The following SPAG17 variants were observed in gnomAD, a reference collection of about 807,000 sequenced individuals.
SPAG17 encodes sperm-associated antigen 17.
In SPAG17, 169 loss-of-function variants were observed where a neutral mutation model predicts 273.6. That is an observed-to-expected ratio of 0.62 (90% CI 0.55 to 0.70). The LOEUF is 0.70. Among genes scored for constraint, SPAG17 ranks in the 30% least tolerant of loss-of-function variants. SPAG17 has a pLI of 0.00. For missense variants in SPAG17, 2,557 were observed against 2,627.8 expected (o/e 0.97, Z 0.59); for synonymous variants, 825 against 873.2 (o/e 0.94, Z 0.97).
intron 18 of SPAG17, among the ~76,000 whole-genome samples, chr1:118,064,629 T>A (rs904651883): frequency 4.1e-5 from 6 of 148,110 alleles, no homozygotes; most frequent in African/African-American, 1.5e-4. Context: ...GAGATATACC[T>A]AATGCTAAAT....
intron 1 of SPAG17, among the ~76,000 whole-genome samples, chr1:118,172,582 G>T (rs1660466616): frequency 6.6e-6 from 1 of 152,118 alleles, no homozygotes; most frequent in South Asian, 2.1e-4. Context: ...AGTATTTAAT[G>T]ATTAAAATTG....
chr1:118,083,482 G>A (rs925315722), intron 13 of SPAG17, among the ~76,000 whole-genome samples: 1 of 152,180 alleles, frequency 6.6e-6, no homozygotes, highest in South Asian at 2.1e-4. Context: ...ATTGATTGCA[G>A]TGTGTGAGAA....
intron 22 of SPAG17, among the ~76,000 whole-genome samples, chr1:118,039,904 G>A (rs1649538543): frequency 6.6e-6 from 1 of 152,134 alleles, no homozygotes; most frequent in South Asian, 2.1e-4. Context: ...TGAATGGCAG[G>A]TAGACCAAGG....
chr1:118,052,201 T>G (rs12024840), intron 20 of SPAG17, among the ~76,000 whole-genome samples: 9,453 of 148,712 alleles, frequency 0.064, 507 homozygotes, highest in East Asian at 0.31. Flanking sequence ...ACACACACAA[T>G]GGAATACTAT....
At chr1:118,183,425 C>CA (rs1661038984) in intron 1 of SPAG17, among the ~76,000 whole-genome samples, 1 of 152,026 alleles carries the variant, frequency 6.6e-6, no homozygotes, top group Non-Finnish European at 1.5e-5. Flanking sequence ...TGAAATCAAG[C>CA]AGAGAAAAAT....
At chr1:118,152,336 G>C (rs915630171) in intron 1 of SPAG17, among the ~76,000 whole-genome samples, 1 of 152,060 alleles carries the variant, frequency 6.6e-6, no homozygotes, top group Non-Finnish European at 1.5e-5. Context: ...ATGGTCTCCT[G>C]GTGAATACCA....
At chr1:118,083,673 T>A (rs1395164877) in intron 13 of SPAG17, among the ~76,000 whole-genome samples, 2 of 152,084 alleles carry the variant, frequency 1.3e-5, no homozygotes, top group East Asian at 3.9e-4. Context: ...TAATCCCAGC[T>A]ACTTAGGAAG....
Position 118,023,424 on chromosome 1 carries a change from A to ACTC in SPAG17, c.3948_3949insGAG (p.Asn1316_Ser1317insGlu), listed in dbSNP as rs1363768428. The ACTC allele has an allele frequency of 6.2e-7, 1 of 1,611,190 alleles. No homozygotes were observed. The highest frequency in any genetic ancestry group is 1.3e-5 in the African/African-American group (1 of 74,820). On this transcript the variant is annotated inframe_insertion, in exon 28 of 49. Transcript: ENST00000336338. ...TCAGAAGGAGGACAAATAAGACCTG[A>ACTC]ATTGGGACTCCTGCTCACAGCACCA...
Position 118,078,671 on chromosome 1 carries a change from T to A in SPAG17, c.2209+2430A>T, listed in dbSNP as rs540462257. On this transcript the variant is annotated intron_variant, in intron 15 of 48. Transcript: ENST00000336338. ...ATTCTCCTGATCTCAAAGGGAATTA[T>A]TTCAACTTTTCACCTTGATATATAA... is the stretch of plus-strand genomic sequence containing the variant. 8.5e-5 allele frequency among the ~76,000 whole-genome samples: 13 copies of A among 152,222 alleles called. 1 individual carries two copies. The East Asian group carries it at 2.5e-3, about 29-fold the overall frequency.
At chr1:118,055,155 CACA>C (rs768133992) in intron 19 of SPAG17, among the ~76,000 whole-genome samples, 15 of 152,112 alleles carry the variant, frequency 9.9e-5, no homozygotes, top group Non-Finnish European at 2.1e-4. Flanking sequence ...GCCACAATAA[CACA>C]ACATCACCAC....
intron 3 of SPAG17, among the ~76,000 whole-genome samples, chr1:118,140,387 G>A (rs998508756): frequency 5.9e-5 from 9 of 152,012 alleles, no homozygotes; most frequent in Admixed American, 1.3e-4. Flanking sequence ...TTGAGGTAAT[G>A]GATATGTTAA....
At chr1:117,954,208 T>C (rs975637503) in intron 48 of SPAG17, 159 bp from the exon 49 acceptor site, 12 of 911,126 alleles carry the variant, frequency 1.3e-5, no homozygotes, top group Non-Finnish European at 2.0e-5. Context: ...ATAAATGGAA[T>C]AGAATCTTTC....
intron 42 of SPAG17, among the ~76,000 whole-genome samples, chr1:117,983,252 C>G (rs537379679): frequency 2.6e-5 from 4 of 152,166 alleles, no homozygotes; most frequent in Non-Finnish European, 4.4e-5. Flanking sequence ...GAGAACAGCA[C>G]GGGAAAGACC....
chr1:118,039,717 A>G (rs1159071215), intron 22 of SPAG17, among the ~76,000 whole-genome samples: 1 of 152,160 alleles, frequency 6.6e-6, no homozygotes, highest in Non-Finnish European at 1.5e-5. Context: ...ATAAAATAAT[A>G]TGCATACCAA....
intron 18 of SPAG17, among the ~76,000 whole-genome samples, chr1:118,064,739 T>C (rs1652776136): frequency 6.7e-6 from 1 of 149,494 alleles, no homozygotes; most frequent in South Asian, 2.1e-4. Flanking sequence ...AGTATAATAA[T>C]AATAAAATTA....
At chr1:118,012,464 T>C in intron 29 of SPAG17, 92 bp from the exon 30 acceptor site, 1 of 1,398,262 alleles carries the variant, frequency 7.2e-7, no homozygotes, top group Non-Finnish European at 9.7e-7. Context: ...GATGGCACCA[T>C]CAAAGTCCTA....
intron 30 of SPAG17, among the ~76,000 whole-genome samples, chr1:118,011,513 C>A (rs1489894086): frequency 1.3e-5 from 2 of 151,890 alleles, no homozygotes; most frequent in African/African-American, 4.8e-5. Flanking sequence ...TAAGTGGGAG[C>A]CAAATGATGA....
At chr1:118,081,771 C>T in intron 13 of SPAG17, 129 bp from the exon 14 acceptor site, 1 of 732,664 alleles carries the variant, frequency 1.4e-6, no homozygotes, top group Non-Finnish European at 2.2e-6. Flanking sequence ...GGCTGTTGAG[C>T]TGATTTTAAA....
intron 45 of SPAG17, among the ~76,000 whole-genome samples, chr1:117,971,355 GC>G (rs1294306629): frequency 2.6e-5 from 4 of 152,210 alleles, no homozygotes; most frequent in Admixed American, 2.6e-4. Context: ...GCCTCTGCTA[GC>G]TGACAAGATG....
Sources: allele counts gnomAD v4.1 joint callset (sites outside exome capture counted in the v4.1 genomes callset), GRCh38; gene constraint gnomAD v4.1.1; transcripts MANE v1.5; gene names NCBI Gene and HGNC (gene_info 2026-07-23, HGNC 2026-07-21).